Variants in JPH1 observed in about 807,000 individuals in gnomAD.
The protein encoded by JPH1 is junctophilin 1.
A neutral mutation model predicts 53.6 loss-of-function variants in JPH1; 12 were observed. That is an observed-to-expected ratio of 0.22 (90% CI 0.14 to 0.36). The LOEUF is 0.36. Ranked by LOEUF, JPH1 falls within the 10% of genes least tolerant of loss-of-function variation. The pLI is 1.00. For synonymous variants in JPH1, 375 were observed against 363.8 expected, an observed-to-expected ratio of 1.03 and a Z score of -0.35; for missense variants, 808 against 905.5, an observed-to-expected ratio of 0.89 and a Z score of 1.38.
At chr8:74,278,989 G>GCA (rs71269980) in intron 2 of JPH1, among the ~76,000 whole-genome samples, 82 of 150,886 alleles carry the variant, frequency 5.4e-4, no homozygotes, top group Admixed American at 1.7e-3. Context: ...GCACACGCGC[G>GCA]CACACACACA....
At chr8:74,275,623 G>A (rs958512144) in intron 2 of JPH1, among the ~76,000 whole-genome samples, 26 of 152,232 alleles carry the variant, frequency 1.7e-4, no homozygotes, top group African/African-American at 6.0e-4. Context: ...CTCTTTCACC[G>A]TAACTATGCA....
At chr8:74,299,583 T>A (rs77747378) in intron 2 of JPH1, among the ~76,000 whole-genome samples, 1 of 152,192 alleles carries the variant, frequency 6.6e-6, no homozygotes, top group Admixed American at 6.5e-5. Flanking sequence ...TGCACTGGAA[T>A]CTCTGTACCC....
In JPH1 at chr8:74,315,597, C is replaced by T. The variant is rs761018173; in HGVS notation, c.403G>A (p.Gly135Arg). 1.1e-5 allele frequency: 17 copies of T among 1,602,308 alleles called. 1 individual carries two copies. The Middle Eastern group carries it at 9.9e-4, about 93-fold the overall frequency. The change falls in exon 2 of 6, where the codon GGA (glycine) becomes AGA (arginine). Residue 135 changes from glycine to arginine, a missense_variant. Transcript: ENST00000342232. The surrounding 1 kb of genome is among the most constrained non-coding windows in gnomAD (Gnocchi z 6.3). The stretch of plus-strand genomic sequence containing the variant: ...ACGCCGTAGCCATGCCGCATGCCTC[C>T]GGCCCACTGGCCCTGGTAGGTACCT... ...DGGTYQGQWA[G>R]GMRHGYGVRQ...
chr8:74,286,976 AC>A (rs1807181179), intron 2 of JPH1, among the ~76,000 whole-genome samples: 1 of 152,246 alleles, frequency 6.6e-6, no homozygotes, highest in African/African-American at 2.4e-5. Flanking sequence ...GACTCACACA[AC>A]ACCTGTAATG....
In JPH1 at chr8:74,315,614, T is replaced by C; in HGVS notation, c.386A>G (p.Tyr129Cys). The C allele has an allele frequency of 6.3e-7, 1 of 1,598,682 alleles. No homozygotes were observed. Among genetic ancestry groups the C allele is most frequent in the Non-Finnish European group, 8.5e-7 (1 of 1,176,730 alleles). ...GVETYGDGGT[Y>C]QGQWAGGMRH... ...CATGCCTCCGGCCCACTGGCCCTGG[T>C]AGGTACCTTGGAGAGACCGCAAGAA... The change falls in exon 2 of 6, where the codon TAC becomes TGC. Residue 129 changes from tyrosine to cysteine, a missense_variant. By Grantham distance (194) the Tyr-to-Cys change is radical. Transcript: ENST00000342232. The surrounding 1 kb of genome is among the most constrained non-coding windows in gnomAD (Gnocchi z 6.3).
rs1283226008 is a variant in JPH1, at chr8:74,302,956, A to G, written c.1139+11905T>C. Among the ~76,000 whole-genome samples the G allele has an allele frequency of 5.0e-5, 4 of 80,764 alleles. No individual in the cohort carries two copies. In the East Asian group the frequency reaches 1.3e-3, roughly 27 times the overall value. 53.0% of individuals were successfully genotyped at this position (80,764 alleles called of 152,430 possible). A position where few individuals can be genotyped will look rare whatever the true frequency, so the allele number is the denominator to read the frequency against. On this transcript the variant is annotated intron_variant, in intron 2 of 5. Transcript: ENST00000342232. Reference sequence around the variant, plus strand: ...ATTTTGTTCCAGTAGGTTGCCAAGAAAAGAAAAAAAAAAAAAAAAACAGTC... The same window carrying G: ...ATTTTGTTCCAGTAGGTTGCCAAGAGAAGAAAAAAAAAAAAAAAAACAGTC...
intron 2 of JPH1, among the ~76,000 whole-genome samples, chr8:74,269,015 T>A (rs1312306444): frequency 6.6e-6 from 1 of 152,094 alleles, no homozygotes; most frequent in African/African-American, 2.4e-5. Context: ...TCCTTAAAAG[T>A]GACATGCACC....
intron 2 of JPH1, among the ~76,000 whole-genome samples, chr8:74,290,200 C>G (rs986533662): frequency 6.6e-6 from 1 of 152,158 alleles, no homozygotes; most frequent in East Asian, 1.9e-4. Context: ...CAAATTATCC[C>G]TGTTTGCAGA....
At chr8:74,318,734 G>T (rs986672736) in intron 1 of JPH1, among the ~76,000 whole-genome samples, 7 of 152,120 alleles carry the variant, frequency 4.6e-5, no homozygotes, top group African/African-American at 1.7e-4. Context: ...ATGTGGCGAT[G>T]GGGAGAGTGC....
intron 2 of JPH1, among the ~76,000 whole-genome samples, chr8:74,297,598 G>T (rs1807557776): frequency 6.6e-6 from 1 of 152,188 alleles, no homozygotes; most frequent in Non-Finnish European, 1.5e-5. Context: ...TGCATTTGGG[G>T]CCTGAAATTA....
At chr8:74,258,432 A>T (rs772311762) in intron 3 of JPH1, among the ~76,000 whole-genome samples, 3 of 152,182 alleles carry the variant, frequency 2.0e-5, no homozygotes, top group African/African-American at 4.8e-5. Context: ...CTAGAAAGTG[A>T]ATTAAGAATT....
chr8:74,292,342 C>T (rs1211561852), intron 2 of JPH1, among the ~76,000 whole-genome samples: 1 of 152,130 alleles, frequency 6.6e-6, no homozygotes, highest in Admixed American at 6.6e-5. Flanking sequence ...CCCCTGAATA[C>T]CCAGCAGTGT....
At chr8:74,299,380 G>A (rs937083793) in intron 2 of JPH1, among the ~76,000 whole-genome samples, 8 of 152,018 alleles carry the variant, frequency 5.3e-5, no homozygotes, top group Admixed American at 5.3e-4. Flanking sequence ...TGCACACCAC[G>A]AACTATAACC....
intron 2 of JPH1, among the ~76,000 whole-genome samples, chr8:74,277,504 G>T (rs1193658209): frequency 6.6e-6 from 1 of 152,164 alleles, no homozygotes; most frequent in African/African-American, 2.4e-5. Flanking sequence ...CATCATATTG[G>T]AACACAGCCA....
At position 74,272,695 on chromosome 8, in the gene JPH1, C is replaced by T. The variant is rs1366908785; in HGVS notation, c.1140-13192G>A. 3.3e-5 allele frequency among the ~76,000 whole-genome samples: 5 copies of T among 151,690 alleles called. No homozygotes were observed. The South Asian group carries it at 1.0e-3, about 32-fold the overall frequency. On this transcript the variant is annotated intron_variant, in intron 2 of 5. Transcript: ENST00000342232. ...CTCGACTCACTGCAAGCTCCGCCTC[C>T]CGGGTTCACGCCATTCTCCTGCCTC...
At chr8:74,317,111 C>G (rs142508603) in intron 1 of JPH1, among the ~76,000 whole-genome samples, 1 of 152,166 alleles carries the variant, frequency 6.6e-6, no homozygotes, top group South Asian at 2.1e-4. Flanking sequence ...TTCAAAACAC[C>G]GGGCAAAAAT....
In JPH1 at chr8:74,253,099, G is replaced by A. The variant is rs555624065; in HGVS notation, c.1258+6286C>T. The stretch of plus-strand genomic sequence containing the variant: ...ATCAACAGAATATACATTCTTTTCA[G>A]CATCACACCACACCTATTCCAAAAT... On this transcript the variant is annotated intron_variant, in intron 3 of 5. Coordinates refer to ENST00000342232, the MANE Select transcript of JPH1 (RefSeq NM_020647.4). Among the ~76,000 whole-genome samples, 465 of 152,166 alleles carry A rather than the reference G, an allele frequency of 3.1e-3. 5 individuals are homozygous for A. The highest frequency in any genetic ancestry group is 4.1e-3 in the Non-Finnish European group (276 of 68,010).
At chr8:74,294,789 C>T (rs939321434) in intron 2 of JPH1, among the ~76,000 whole-genome samples, 1 of 152,238 alleles carries the variant, frequency 6.6e-6, no homozygotes, top group African/African-American at 2.4e-5. Context: ...TTTACTCTAA[C>T]ATGAAATATT....
chr8:74,304,855 T>G (rs1460697229), intron 2 of JPH1, among the ~76,000 whole-genome samples: 1 of 152,234 alleles, frequency 6.6e-6, no homozygotes, highest in Non-Finnish European at 1.5e-5. Flanking sequence ...ATAACTTTCT[T>G]TTGGCCCACA....
Sources: allele counts gnomAD v4.1 joint callset (sites outside exome capture counted in the v4.1 genomes callset), GRCh38; gene constraint gnomAD v4.1.1; non-coding constraint Gnocchi (gnomAD v3.1); transcripts MANE v1.5; gene names NCBI Gene and HGNC (gene_info 2026-07-23, HGNC 2026-07-21).